The following SETBP1 variants were observed in gnomAD, a reference collection of about 807,000 sequenced individuals.
SETBP1 encodes SET binding protein 1.
SETBP1 carries 9 observed loss-of-function variants against 101.0 expected under a neutral mutation model. The ratio of observed to expected loss-of-function variants is 0.09; its 90% CI spans 0.05 to 0.16. The LOEUF (loss-of-function observed/expected upper bound fraction) is 0.16. Among genes scored for constraint, SETBP1 ranks in the 10% least tolerant of loss-of-function variants. The probability of loss-of-function intolerance (pLI) is 1.00; values close to 1 mark genes in which losing one functional copy is unlikely to be tolerated. For missense variants in SETBP1, 1,858 were observed against 2,033.8 expected (o/e 0.91, Z 1.66); for synonymous variants, 818 against 788.5 (o/e 1.04, Z -0.63).
At chr18:44,796,628 G>A (rs1315136619) in intron 2 of SETBP1, among the ~76,000 whole-genome samples, 1 of 152,204 alleles carries the variant, frequency 6.6e-6, no homozygotes, top group Non-Finnish European at 1.5e-5. Flanking sequence ...CCCAGGGAGT[G>A]GAAGTGACAG....
chr18:44,955,586 C>T (rs2071464590), intron 4 of SETBP1, among the ~76,000 whole-genome samples: 1 of 152,082 alleles, frequency 6.6e-6, no homozygotes, highest in Non-Finnish European at 1.5e-5. Context: ...TACTTTTATT[C>T]CTATATTACA....
chr18:44,944,316 G>T (rs1297861808), intron 3 of SETBP1, among the ~76,000 whole-genome samples: 1 of 152,180 alleles, frequency 6.6e-6, no homozygotes, highest in Non-Finnish European at 1.5e-5. Flanking sequence ...TATGGTGGTT[G>T]GTTCTGCATG....
intron 3 of SETBP1, among the ~76,000 whole-genome samples, chr18:44,911,149 A>T (rs977235326): frequency 5.3e-5 from 8 of 152,108 alleles, no homozygotes; most frequent in African/African-American, 1.9e-4. Context: ...TTACCTGAAA[A>T]TGTTGTATCT....
chr18:44,803,201 A>C (rs2071645065), intron 2 of SETBP1, among the ~76,000 whole-genome samples: 1 of 152,174 alleles, frequency 6.6e-6, no homozygotes. Flanking sequence ...GTTATATAGC[A>C]GGCCATTAAA....
At chr18:45,051,457 T>C (rs568616535) in intron 5 of SETBP1, among the ~76,000 whole-genome samples, 65 of 152,332 alleles carry the variant, frequency 4.3e-4, no homozygotes, top group African/African-American at 1.4e-3. Flanking sequence ...ATTCACATGC[T>C]TGGCAATGAA....
chr18:45,018,752 A>C (rs2072999337), intron 4 of SETBP1, among the ~76,000 whole-genome samples: 1 of 152,222 alleles, frequency 6.6e-6, no homozygotes, highest in Admixed American at 6.5e-5. Flanking sequence ...GCAGTGGTTA[A>C]AGATGTATCT....
intron 2 of SETBP1, among the ~76,000 whole-genome samples, chr18:44,735,329 A>C (rs774224511): frequency 6.6e-6 from 1 of 152,222 alleles, no homozygotes; most frequent in Non-Finnish European, 1.5e-5. Flanking sequence ...GGTAAGTCAC[A>C]TAATTTCCTG....
At chr18:44,998,294 GC>G (rs1480556150) in intron 4 of SETBP1, among the ~76,000 whole-genome samples, 6 of 152,256 alleles carry the variant, frequency 3.9e-5, no homozygotes, top group African/African-American at 9.6e-5. Context: ...TGGGGTGGTA[GC>G]CCCGTTTCCG....
chr18:45,056,348 C>G (rs2073808354), intron 5 of SETBP1, among the ~76,000 whole-genome samples: 1 of 152,178 alleles, frequency 6.6e-6, no homozygotes. Context: ...CCAGTGAGAT[C>G]CCCCATCAAC....
chr18:44,974,911 G>A (rs2071952431), intron 4 of SETBP1, among the ~76,000 whole-genome samples: 1 of 152,054 alleles, frequency 6.6e-6, no homozygotes, highest in Non-Finnish European at 1.5e-5. Context: ...TTACTAAATT[G>A]GCCTGTGAGT....
intron 4 of SETBP1, among the ~76,000 whole-genome samples, chr18:45,015,774 T>A (rs180989485): frequency 6.6e-6 from 1 of 152,058 alleles, no homozygotes; most frequent in Non-Finnish European, 1.5e-5. Flanking sequence ...TATCTTGGGG[T>A]GAACAGAGAA....
At chr18:44,956,997 A>G (rs1412730935) in intron 4 of SETBP1, among the ~76,000 whole-genome samples, 1 of 152,136 alleles carries the variant, frequency 6.6e-6, no homozygotes, top group Non-Finnish European at 1.5e-5. Context: ...TGTTTTCTAA[A>G]TGCATACCAT....
chr18:44,860,799 T>C (rs973379889), intron 2 of SETBP1, among the ~76,000 whole-genome samples: 2 of 151,338 alleles, frequency 1.3e-5, no homozygotes, highest in African/African-American at 4.9e-5. Context: ...TCCCCATGAG[T>C]AACTCATGCA....
At chr18:44,688,491 T>C (rs1272520731) in intron 1 of SETBP1, among the ~76,000 whole-genome samples, 2 of 151,948 alleles carry the variant, frequency 1.3e-5, no homozygotes, top group Admixed American at 6.6e-5. Context: ...TTTTTTTTTT[T>C]TGAGATGAAG....
chr18:44,935,869 G>A (rs1338699946), intron 3 of SETBP1, among the ~76,000 whole-genome samples: 2 of 152,106 alleles, frequency 1.3e-5, no homozygotes, highest in Non-Finnish European at 2.9e-5. Context: ...GGGGCTACAG[G>A]TTTTTACTGA....
chr18:45,056,093 C>T (rs1401865061), intron 5 of SETBP1, among the ~76,000 whole-genome samples: 1 of 152,080 alleles, frequency 6.6e-6, no homozygotes, highest in African/African-American at 2.4e-5. Context: ...AATTTGGAAC[C>T]CTTGTCTTTT....
chr18:44,946,182 C>G (rs545376027), intron 3 of SETBP1, among the ~76,000 whole-genome samples: 11 of 152,318 alleles, frequency 7.2e-5, no homozygotes, highest in Admixed American at 3.3e-4. Context: ...CCATTCCCCC[C>G]ATTACTCCTG....
chr18:44,891,295 A>G (rs967374062), intron 3 of SETBP1, among the ~76,000 whole-genome samples: 2 of 152,170 alleles, frequency 1.3e-5, no homozygotes, highest in African/African-American at 2.4e-5. Context: ...CAGCCAAACC[A>G]TATCAGAGGG....
chr18:44,977,813 C>T (rs1423491940), intron 4 of SETBP1, among the ~76,000 whole-genome samples: 2 of 152,148 alleles, frequency 1.3e-5, no homozygotes, highest in Non-Finnish European at 2.9e-5. Context: ...TTTCACTTTG[C>T]CCTCCAGCCT....
Sources: allele counts gnomAD v4.1 joint callset (sites outside exome capture counted in the v4.1 genomes callset), GRCh38; gene constraint gnomAD v4.1.1; transcripts MANE v1.5; gene names NCBI Gene and HGNC (gene_info 2026-07-23, HGNC 2026-07-21).